Variants in CSMD3 observed in about 807,000 individuals in gnomAD.
CSMD3 encodes the protein CUB and Sushi multiple domains 3.
CSMD3 carries 177 observed loss-of-function variants against 435.2 expected under a neutral mutation model. That is an observed-to-expected ratio of 0.41 (90% CI 0.36 to 0.46). The LOEUF (loss-of-function observed/expected upper bound fraction) is 0.46. Ranked by LOEUF, CSMD3 falls within the 20% of genes least tolerant of loss-of-function variation. CSMD3 has a pLI of 0.34. For missense variants in CSMD3, 4,265 were observed against 4,504.6 expected, an observed-to-expected ratio of 0.95 and a Z score of 1.52; for synonymous variants, 1,656 against 1,520.5, an observed-to-expected ratio of 1.09 and a Z score of -2.07.
intron 13 of CSMD3, among the ~76,000 whole-genome samples, chr8:112,767,871 C>T (rs1316795935): frequency 6.6e-6 from 1 of 151,704 alleles, no homozygotes; most frequent in African/African-American, 2.4e-5. Context: ...TCCTTGAGTT[C>T]ATTGAGCAAG....
chr8:113,326,601 A>C (rs1051656411), intron 1 of CSMD3, among the ~76,000 whole-genome samples: 1 of 152,144 alleles, frequency 6.6e-6, no homozygotes, highest in Non-Finnish European at 1.5e-5. Flanking sequence ...AAGATGAAGA[A>C]ATGTGTAAGT....
intron 4 of CSMD3, among the ~76,000 whole-genome samples, chr8:113,106,575 T>C (rs1355420478): frequency 6.6e-6 from 1 of 152,210 alleles, no homozygotes; most frequent in Non-Finnish European, 1.5e-5. Context: ...TCAAAGGATT[T>C]ACAAATTTGA....
At position 112,556,949 on chromosome 8, in the gene CSMD3, C is replaced by T. The variant is rs369452274; in HGVS notation, c.4048G>A (p.Glu1350Lys). 1.2e-6 allele frequency: 2 copies of T among 1,608,774 alleles called. No individual in the cohort carries two copies. Among genetic ancestry groups the T allele is most frequent in the African/African-American group, 1.3e-5 (1 of 74,702 alleles). ...CCAGGATCTTCACAGTGTGAGAGTT[C>T]AAAACCTGGGACAAAAATATAAATT... ...EGFQLVYTSFELSHCEDPGIP... is the reference protein window; with the variant it reads ...EGFQLVYTSFKLSHCEDPGIP... The change falls in exon 25 of 71, where the codon GAA (glutamate) becomes AAA (lysine). Residue 1350 changes from glutamate (E) to lysine (K), a missense_variant. This residue lies in a region of CSMD3 where 3,255 missense variants were observed against 3,380.2 expected (regional missense o/e 0.96). Coordinates refer to ENST00000297405, the MANE Select transcript of CSMD3 (RefSeq NM_198123.2).
chr8:113,280,093 C>A (rs187625210), intron 2 of CSMD3, among the ~76,000 whole-genome samples: 87 of 151,794 alleles, frequency 5.7e-4, no homozygotes, highest in African/African-American at 1.9e-3. Flanking sequence ...GATTTTCGCA[C>A]CCATGTTCAT....
chr8:112,263,113 G>T (rs1320344985), intron 61 of CSMD3, among the ~76,000 whole-genome samples: 3 of 146,658 alleles, frequency 2.0e-5, no homozygotes, highest in Non-Finnish European at 1.5e-5. Context: ...CACTTGCTAG[G>T]TATATAGTAT....
At chr8:112,250,738 C>T (rs1369575487) in intron 63 of CSMD3, among the ~76,000 whole-genome samples, 3 of 151,548 alleles carry the variant, frequency 2.0e-5, no homozygotes, top group African/African-American at 4.8e-5. Flanking sequence ...TCAAACATTG[C>T]AATAATTAAT....
intron 24 of CSMD3, among the ~76,000 whole-genome samples, chr8:112,559,107 G>A (rs1409544465): frequency 6.6e-6 from 1 of 151,818 alleles, no homozygotes. Flanking sequence ...GCTAAAAACT[G>A]AGATCCTGGG....
At chr8:113,125,997 C>T (rs2091114596) in intron 4 of CSMD3, among the ~76,000 whole-genome samples, 1 of 151,836 alleles carries the variant, frequency 6.6e-6, no homozygotes, top group African/African-American at 2.4e-5. Flanking sequence ...ATGATCCAAT[C>T]AAGAAGAAAA....
chr8:112,353,858 T>G (rs1394295321), intron 38 of CSMD3, among the ~76,000 whole-genome samples: 2 of 152,064 alleles, frequency 1.3e-5, no homozygotes, highest in Non-Finnish European at 2.9e-5. Context: ...AAGGCCACCA[T>G]TAACCTAATA....
intron 2 of CSMD3, among the ~76,000 whole-genome samples, chr8:113,296,546 CA>C (rs2093723476): frequency 6.6e-6 from 1 of 151,904 alleles, no homozygotes; most frequent in Non-Finnish European, 1.5e-5. Context: ...ACCAAACAAA[CA>C]AACAAAACAG....
intron 1 of CSMD3, among the ~76,000 whole-genome samples, chr8:113,360,652 C>T (rs1001760000): frequency 7.0e-6 from 1 of 142,992 alleles, no homozygotes; most frequent in East Asian, 2.2e-4. Flanking sequence ...CGGCTCACTG[C>T]AAGCTCCGCC....
intron 13 of CSMD3, among the ~76,000 whole-genome samples, chr8:112,748,741 T>C (rs2132091399): frequency 6.6e-6 from 1 of 152,314 alleles, no homozygotes; most frequent in East Asian, 1.9e-4. Context: ...AGTCTGTCAT[T>C]GATGGCCATG....
At chr8:112,438,931 G>A (rs1240403652) in intron 32 of CSMD3, among the ~76,000 whole-genome samples, 6 of 152,144 alleles carry the variant, frequency 3.9e-5, no homozygotes, top group Non-Finnish European at 7.3e-5. Flanking sequence ...TTCTGAGGAA[G>A]GAAGAATGAG....
intron 70 of CSMD3, among the ~76,000 whole-genome samples, chr8:112,228,435 A>G (rs1462148114): frequency 2.6e-5 from 4 of 152,190 alleles, no homozygotes; most frequent in Non-Finnish European, 5.9e-5. Flanking sequence ...ACTTTAACCT[A>G]GATTTTCTAT....
intron 1 of CSMD3, among the ~76,000 whole-genome samples, chr8:113,360,592 G>A: frequency 1.9e-5 from 1 of 52,452 alleles, no homozygotes; most frequent in African/African-American, 7.7e-5. Context: ...TTTTTTTTTT[G>A]AGACGGAGTC....
At chr8:112,458,305 T>TACTTCAA (rs1817069935) in intron 32 of CSMD3, among the ~76,000 whole-genome samples, 3 of 151,356 alleles carry the variant, frequency 2.0e-5, no homozygotes, top group Admixed American at 2.0e-4. Flanking sequence ...AAGCCTAAAA[T>TACTTCAA]ATTTTTTAAA....
At chr8:112,750,601 G>A (rs1211638963) in intron 13 of CSMD3, among the ~76,000 whole-genome samples, 3 of 152,046 alleles carry the variant, frequency 2.0e-5, no homozygotes, top group African/African-American at 7.2e-5. Flanking sequence ...AGAAGAGAAA[G>A]TATAAACTCT....
chr8:112,643,109 T>C (rs1191885006), intron 20 of CSMD3, among the ~76,000 whole-genome samples: 1 of 152,122 alleles, frequency 6.6e-6, no homozygotes, highest in Non-Finnish European at 1.5e-5. Context: ...AACATGGTAG[T>C]CTCAGAATGG....
At position 112,381,196 on chromosome 8, in the gene CSMD3, A is replaced by T. The variant is rs115035082; in HGVS notation, c.6032-740T>A. On this transcript the variant is annotated intron_variant, in intron 37 of 70. Transcript: ENST00000297405. ...TATTCTATACCAGGTCAAGTGCCTC[A>T]ATGTTTCTTATACCCTGACAGCAAA... is the stretch of plus-strand genomic sequence containing the variant. 1.2e-3 allele frequency among the ~76,000 whole-genome samples: 187 copies of T among 152,280 alleles called. 1 individual carries two copies. The highest frequency in any genetic ancestry group is 4.4e-3 in the African/African-American group (184 of 41,570).
Sources: gnomAD v4.1 joint callset for allele counts (sites outside exome capture counted in the v4.1 genomes callset) on GRCh38, gnomAD v4.1.1 for gene constraint, gnomAD v4.1.1 regional missense constraint, MANE v1.5 for transcripts, NCBI Gene and HGNC (gene_info 2026-07-23, HGNC 2026-07-21) for gene names.